The following WDR41 variants were observed in gnomAD, a reference collection of about 807,000 sequenced individuals.
The protein encoded by WDR41 is WD repeat domain 41, also known as WD repeat-containing protein 41.
A neutral mutation model predicts 69.3 loss-of-function variants in WDR41; 63 were observed. The observed-to-expected ratio is 0.91, with a 90% CI of 0.74 to 1.12. WDR41 has a LOEUF of 1.12. WDR41 is among the 50% of genes most tolerant of loss of function. The pLI, the probability that WDR41 is intolerant of heterozygous loss-of-function variation, is 0.00. For missense variants in WDR41, 543 were observed against 534.5 expected, an observed-to-expected ratio of 1.02 and a Z score of -0.16; for synonymous variants, 185 against 192.1, an observed-to-expected ratio of 0.96 and a Z score of 0.31.
At chr5:77,613,325 C>G (rs1744604853) in intron 1 of WDR41, among the ~76,000 whole-genome samples, 2 of 152,268 alleles carry the variant, frequency 1.3e-5, no homozygotes, top group African/African-American at 4.8e-5. Context: ...AAAAAAGAGC[C>G]CGCATCGCCA....
chr5:77,475,139 T>C (rs1310652747), intron 2 of WDR41, among the ~76,000 whole-genome samples: 1 of 152,200 alleles, frequency 6.6e-6, no homozygotes, highest in African/African-American at 2.4e-5. Flanking sequence ...CAGGAGATTA[T>C]ATCCTGCACC....
rs2151276553 is a variant in WDR41 at position 77,431,699 on chromosome 5, TTG to T, written c.*1434_*1435del. 6.6e-6 allele frequency: 1 copy of T among 152,330 alleles called. No individual in the cohort carries two copies. The highest frequency in any genetic ancestry group is 6.5e-5 in the Admixed American group (1 of 15,298). The allele number at this position is 152,330 out of a possible 1,614,324, so 9.4% of individuals were successfully genotyped here. A position where few individuals can be genotyped will look rare whatever the true frequency, so the allele number is the denominator to read the frequency against. On this transcript the variant is annotated 3_prime_UTR_variant, in exon 13 of 13. Transcript: ENST00000296679. ...TAAAACAGTTAAGTCTATGGCTCCC[TTG>T]TGTCATACAACTTCAGAAAACAACT... is the stretch of plus-strand genomic sequence containing the variant.
chr5:77,455,364 G>A (rs1320848391), intron 5 of WDR41, among the ~76,000 whole-genome samples: 1 of 152,000 alleles, frequency 6.6e-6, no homozygotes, highest in Non-Finnish European at 1.5e-5. Flanking sequence ...ATATATTGTA[G>A]ACACAAGTCC....
At chr5:77,469,134 C>T (rs1327375686) in intron 2 of WDR41, among the ~76,000 whole-genome samples, 1 of 151,986 alleles carries the variant, frequency 6.6e-6, no homozygotes, top group South Asian at 2.1e-4. Context: ...AGCAAACTAT[C>T]GCCAAGGACA....
In WDR41 at chr5:77,438,329, G is replaced by T. The variant is rs763322523; in HGVS notation, c.915C>A (p.Tyr305Ter). 2.5e-6 allele frequency: 4 copies of T among 1,613,876 alleles called. No homozygotes were observed. Among genetic ancestry groups the T allele is most frequent in the East Asian group, 2.2e-5 (1 of 44,880 alleles). ...NVFAAVGRGL[Y>*]VYSLQMKRVI... The stretch of plus-strand genomic sequence containing the variant: ...CACGCTTCATTTGAAGGCTATACAC[G>T]TATAAACCCCTTCCAACTGCAGCAA... Residue 305 changes from tyrosine to a stop codon, truncating the protein, a stop_gained, in exon 10 of 13, where the codon TAC (tyrosine) becomes TAA (stop). Transcript: ENST00000296679. LOFTEE classifies it high-confidence loss of function.
In WDR41 at chr5:77,440,912, G is replaced by A; in HGVS notation, c.783C>T (p.Asn261=). The change falls in exon 9 of 13, where the codon AAC becomes AAT. Residue 261 remains asparagine (N), a synonymous_variant. Transcript: ENST00000296679. ...LDWTMQAYER[N]FWDPSPQLDT... ...CCAGTTGTGGAGATGGGTCCCAGAA[G>A]TTGCGTTCATAGGCCTGCATGGTCC... The A allele has an allele frequency of 1.9e-6, 3 of 1,614,162 alleles. No individual in the cohort carries two copies. The highest frequency in any genetic ancestry group is 2.5e-6 in the Non-Finnish European group (3 of 1,180,032).
At chr5:77,481,942 C>T (rs765402947) in intron 2 of WDR41, among the ~76,000 whole-genome samples, 27 of 152,186 alleles carry the variant, frequency 1.8e-4, no homozygotes, top group Non-Finnish European at 3.1e-4. Flanking sequence ...TGGTTCTCCA[C>T]TGAACACTCA....
intron 1 of WDR41, among the ~76,000 whole-genome samples, chr5:77,607,429 G>A (rs1023286574): frequency 6.6e-6 from 1 of 152,234 alleles, no homozygotes; most frequent in Non-Finnish European, 1.5e-5. Context: ...AAGATACAGG[G>A]AAAGCAAGAG....
intron 1 of WDR41, among the ~76,000 whole-genome samples, chr5:77,573,039 C>A (rs533277630): frequency 1.3e-5 from 2 of 152,284 alleles, no homozygotes; most frequent in Admixed American, 1.3e-4. Context: ...CATTCACTCA[C>A]AATTGTACAT....
intron 1 of WDR41, among the ~76,000 whole-genome samples, chr5:77,519,766 A>G (rs1452013463): frequency 6.6e-6 from 1 of 151,774 alleles, no homozygotes; most frequent in Non-Finnish European, 1.5e-5. Context: ...CTAGGCATGT[A>G]CTTAAATTTT....
intron 1 of WDR41, among the ~76,000 whole-genome samples, chr5:77,553,446 A>C (rs559286420): frequency 6.6e-6 from 1 of 152,288 alleles, no homozygotes; most frequent in African/African-American, 2.4e-5. Flanking sequence ...TGATTTAATC[A>C]CTTCCCCAAA....
chr5:77,457,667 C>A (rs1224542369), intron 5 of WDR41, among the ~76,000 whole-genome samples: 2 of 150,998 alleles, frequency 1.3e-5, no homozygotes, highest in Admixed American at 1.3e-4. Flanking sequence ...TCACTATCTC[C>A]TTGCTAACAT....
intron 8 of WDR41, among the ~76,000 whole-genome samples, chr5:77,442,984 G>C (rs1002503452): frequency 6.9e-6 from 1 of 144,760 alleles, no homozygotes; most frequent in Non-Finnish European, 1.5e-5. Flanking sequence ...ACAACTGCTA[G>C]TCTTATTTCA....
At chr5:77,505,699 A>G (rs1252078486) in intron 1 of WDR41, among the ~76,000 whole-genome samples, 1 of 152,184 alleles carries the variant, frequency 6.6e-6, no homozygotes, top group East Asian at 1.9e-4. Context: ...ATATAGACCA[A>G]TGGAACAGAA....
At chr5:77,540,635 A>T (rs1336547682) in intron 1 of WDR41, 1 of 147,112 alleles carries the variant, frequency 6.8e-6, no homozygotes, top group African/African-American at 2.5e-5. Context: ...GAGCCCAGGT[A>T]GGTTGAGGCT....
chr5:77,463,901 GA>G (rs1404142201), intron 3 of WDR41, among the ~76,000 whole-genome samples: 1 of 145,436 alleles, frequency 6.9e-6, no homozygotes, highest in Non-Finnish European at 1.6e-5. Context: ...CAAAGCCATT[GA>G]AAAATAAAGA....
chr5:77,545,557 C>G (rs1180965855), intron 1 of WDR41: 1 of 265,482 alleles, frequency 3.8e-6, no homozygotes, highest in Non-Finnish European at 7.2e-6. Flanking sequence ...GAGTTGGATG[C>G]CCATCACCAA....
intron 1 of WDR41, among the ~76,000 whole-genome samples, chr5:77,516,218 T>G (rs1415056384): frequency 6.6e-6 from 1 of 152,226 alleles, no homozygotes; most frequent in African/African-American, 2.4e-5. Flanking sequence ...TGTTTTAATT[T>G]GCATTTTTAG....
chr5:77,443,793 AC>A (rs1799265703), intron 8 of WDR41, among the ~76,000 whole-genome samples: 1 of 151,572 alleles, frequency 6.6e-6, no homozygotes, highest in Admixed American at 6.6e-5. Context: ...TGTCTGTGAT[AC>A]CTCCATGCAG....
Sources: gnomAD v4.1 joint callset for allele counts (sites outside exome capture counted in the v4.1 genomes callset) on GRCh38, gnomAD v4.1.1 for gene constraint, MANE v1.5 for transcripts, NCBI Gene and HGNC (gene_info 2026-07-23, HGNC 2026-07-21) for gene names.